BRWD1: variants seen among roughly 807,000 people sequenced by gnomAD.
BRWD1 encodes the protein bromodomain and WD repeat domain containing 1.
A neutral mutation model predicts 251.2 loss-of-function variants in BRWD1; 82 were observed. The observed-to-expected ratio is 0.33, with a 90% CI of 0.27 to 0.39. BRWD1 has a LOEUF of 0.39. BRWD1 is among the 10% of genes least tolerant of loss of function. The pLI, the probability that BRWD1 is intolerant of heterozygous loss-of-function variation, is 1.00. For missense variants in BRWD1, 2,233 were observed against 2,711.6 expected (o/e 0.82, Z 3.92); for synonymous variants, 918 against 902.8 (o/e 1.02, Z -0.30).
intron 21 of BRWD1, among the ~76,000 whole-genome samples, chr21:39,239,131 GCTTAT>G (rs1224761093): frequency 4.6e-5 from 7 of 151,852 alleles, no homozygotes; most frequent in African/African-American, 1.7e-4. Context: ...CTGGTTTGTG[GCTTAT>G]CTTTTCATTC....
chr21:39,188,528 G>C lies in BRWD1; in HGVS notation c.*7731C>G, dbSNP rs1340681674. 21 of 985,268 alleles carry C rather than the reference G, an allele frequency of 2.1e-5. No individual in the cohort carries two copies. Among genetic ancestry groups the C allele is most frequent in the Non-Finnish European group, 2.5e-5 (21 of 829,904 alleles). 61.0% of individuals were successfully genotyped at this position (985,268 alleles called of 1,614,324 possible). On this transcript the variant is annotated 3_prime_UTR_variant, in exon 41 of 41. Coordinates refer to ENST00000342449, the MANE Select transcript of BRWD1 (RefSeq NM_033656.4). ...ATGAAACCACCAATGCCAACCTTCTGAACTTTTTCTTCTGTGAAGATGTTT... is the reference window on the plus strand; with the variant it reads ...ATGAAACCACCAATGCCAACCTTCTCAACTTTTTCTTCTGTGAAGATGTTT...
chr21:39,287,205 G>A (rs115070436), intron 8 of BRWD1, among the ~76,000 whole-genome samples: 2,318 of 152,198 alleles, frequency 0.015, 58 homozygotes, highest in African/African-American at 0.053. Context: ...ATCCTTTACA[G>A]CTTTTTTCTC....
intron 22 of BRWD1, 25 bp downstream of exon 22, chr21:39,238,454 A>C (rs768427924): frequency 1.9e-6 from 3 of 1,574,748 alleles, no homozygotes; most frequent in East Asian, 4.5e-5. Flanking sequence ...AATGCTTAAA[A>C]GACCACAACA....
chr21:39,250,232 A>T (rs2034350502), intron 20 of BRWD1, among the ~76,000 whole-genome samples: 1 of 152,282 alleles, frequency 6.6e-6, no homozygotes, highest in Admixed American at 6.5e-5. Flanking sequence ...ATAAGGCTTG[A>T]GAGTGGCCCC....
intron 23 of BRWD1, 29 bp from the exon 24 acceptor site, chr21:39,232,527 T>C (rs1275376846): frequency 1.9e-6 from 3 of 1,578,452 alleles, no homozygotes; most frequent in Admixed American, 2.1e-5. Flanking sequence ...CAAAGTTTCT[T>C]AGATTAGAAA....
rs776706161 is a variant in BRWD1, at chr21:39,218,114, T to C, written c.3659+38A>G. ...TTACCCTAGTCAATATTGCCAAATA[T>C]AGCTTTTTAAACATTTTGAAAGCAG... On this transcript the variant is annotated intron_variant, in intron 31 of 40. Transcript: ENST00000342449. 1.3e-5 allele frequency: 20 copies of C among 1,565,492 alleles called. No homozygotes were observed. In the African/African-American group the frequency reaches 1.6e-4, roughly 13 times the overall value.
At chr21:39,212,005 C>T (rs761626009) in intron 34 of BRWD1, among the ~76,000 whole-genome samples, 3 of 152,082 alleles carry the variant, frequency 2.0e-5, no homozygotes, top group Non-Finnish European at 4.4e-5. Flanking sequence ...GTTCCATAGA[C>T]CCTTCTCCTT....
intron 27 of BRWD1, among the ~76,000 whole-genome samples, chr21:39,226,338 T>A (rs190178857): frequency 1.1e-3 from 173 of 152,310 alleles, no homozygotes; most frequent in African/African-American, 4.0e-3. Context: ...CTTGCCATAC[T>A]ACTCAAATTC....
intron 8 of BRWD1, among the ~76,000 whole-genome samples, chr21:39,281,937 CAT>C (rs2035476245): frequency 6.6e-6 from 1 of 150,448 alleles, no homozygotes; most frequent in Non-Finnish European, 1.5e-5. Flanking sequence ...CATACATATA[CAT>C]GTGTATATAT....
intron 26 of BRWD1, 88 bp from the exon 27 acceptor site, chr21:39,228,670 C>A: frequency 1.6e-6 from 1 of 638,216 alleles, no homozygotes; most frequent in East Asian, 2.7e-5. Context: ...AACATGAGAT[C>A]TACGAATGTA....
rs2031571378 is a variant in BRWD1 at position 39,191,881 on chromosome 21, A to G, written c.*4378T>C. On this transcript the variant is annotated 3_prime_UTR_variant, in exon 41 of 41. Transcript: ENST00000342449. ...ACCTTAAAACTGACATAACTAAAAT[A>G]TGACCAGAAAGTATACCATAGCATT... 1.0e-6 allele frequency: 1 copy of G among 983,974 alleles called. No individual in the cohort carries two copies. The highest frequency in any genetic ancestry group is 1.2e-6 in the Non-Finnish European group (1 of 828,764). The allele number at this position is 983,974 out of a possible 1,614,324, so 61.0% of individuals were successfully genotyped here.
rs769518381 is a variant in BRWD1 at position 39,199,095 on chromosome 21, C to T, written c.5321G>A (p.Gly1774Asp). 1.2e-6 allele frequency: 2 copies of T among 1,614,018 alleles called. No homozygotes were observed. The highest frequency in any genetic ancestry group is 2.2e-5 in the South Asian group (2 of 91,058). Reference protein sequence around the residue: ...DSDHACNRTAGPSTSVQKLKA... With the variant: ...DSDHACNRTADPSTSVQKLKA... ...AAGTTTCTGCACAGACGTTGATGGGCCAGCAGTTCTGTTACATGCATGATC... is the reference window on the plus strand; with the variant it reads ...AAGTTTCTGCACAGACGTTGATGGGTCAGCAGTTCTGTTACATGCATGATC... The change falls in exon 40 of 41, where the codon GGC (glycine) becomes GAC (aspartate). Residue 1774 changes from glycine (G) to aspartate (D), a missense_variant. Physicochemically the swap from Gly to Asp is moderately conservative, Grantham distance 94. This residue lies in a region of BRWD1 where 928 missense variants were observed against 970.0 expected (regional missense o/e 0.96). Coordinates refer to ENST00000342449, the MANE Select transcript of BRWD1 (RefSeq NM_033656.4).
At chr21:39,295,189 T>G (rs1453684705) in intron 7 of BRWD1, among the ~76,000 whole-genome samples, 1 of 132,434 alleles carries the variant, frequency 7.6e-6, no homozygotes, top group African/African-American at 2.8e-5. Flanking sequence ...TTTTTTTTTT[T>G]TTTTTTTTTT....
intron 21 of BRWD1, among the ~76,000 whole-genome samples, chr21:39,243,506 C>A (rs576364544): frequency 6.6e-6 from 1 of 152,120 alleles, no homozygotes; most frequent in Non-Finnish European, 1.5e-5. Context: ...GTTACACTGG[C>A]GCAACCAAGG....
In BRWD1 at chr21:39,197,158, T is replaced by C; in HGVS notation, c.5911A>G (p.Thr1971Ala). ...CAATCACTCAATTTCTTCTTAGCTGTAGTACAAGCAAGATGGAGAGGTTTT... is the reference window on the plus strand; with the variant it reads ...CAATCACTCAATTTCTTCTTAGCTGCAGTACAAGCAAGATGGAGAGGTTTT... ...RKKPLHLACT[T>A]AKKKLSDCEG... The change falls in exon 41 of 41, where the codon ACA (threonine) becomes GCA (alanine). Residue 1971 changes from threonine to alanine, a missense_variant. Transcript: ENST00000342449. 1 of 1,614,158 alleles carries C rather than the reference T, an allele frequency of 6.2e-7. No homozygotes were observed. Among genetic ancestry groups the C allele is most frequent in the Non-Finnish European group, 8.5e-7 (1 of 1,179,984 alleles).
chr21:39,233,657 T>C (rs1446927745), intron 23 of BRWD1, among the ~76,000 whole-genome samples: 1 of 152,160 alleles, frequency 6.6e-6, no homozygotes, highest in Non-Finnish European at 1.5e-5. Context: ...TCTCTTTAAG[T>C]TTCAGATTTG....
At chr21:39,286,646 C>T (rs2035649150) in intron 8 of BRWD1, among the ~76,000 whole-genome samples, 1 of 151,990 alleles carries the variant, frequency 6.6e-6, no homozygotes, top group Non-Finnish European at 1.5e-5. Context: ...TCCCAAGTAG[C>T]TGGGATTACA....
chr21:39,187,709 A>T lies in BRWD1; in HGVS notation c.*8550T>A, dbSNP rs990893341. ...AAGCTGCTAATCTAAAAACATATAT[A>T]TGAGCATTTTACATAATTTGAATTA... On this transcript the variant is annotated 3_prime_UTR_variant, in exon 41 of 41. Coordinates refer to ENST00000342449, the MANE Select transcript of BRWD1 (RefSeq NM_033656.4). 1.0e-6 allele frequency: 1 copy of T among 985,172 alleles called. No individual in the cohort carries two copies. Among genetic ancestry groups the T allele is most frequent in the Admixed American group, 6.1e-5 (1 of 16,266 alleles). The allele number at this position is 985,172 out of a possible 1,614,324, so 61.0% of individuals were successfully genotyped here.
At chr21:39,211,036 A>G in intron 34 of BRWD1, 107 bp from the exon 35 acceptor site, 1 of 1,144,558 alleles carries the variant, frequency 8.7e-7, no homozygotes, top group Non-Finnish European at 1.2e-6. Flanking sequence ...AATGTCATAT[A>G]TGTTGCTCTC....
Sources: allele counts gnomAD v4.1 joint callset (sites outside exome capture counted in the v4.1 genomes callset), GRCh38; gene constraint gnomAD v4.1.1; regional missense constraint gnomAD v4.1.1; transcripts MANE v1.5; gene names NCBI Gene and HGNC (gene_info 2026-07-23, HGNC 2026-07-21).